The following RHOQ variants were observed in gnomAD, a reference collection of about 807,000 sequenced individuals.
RHOQ encodes ras homolog family member Q.
Under a neutral mutation model 25.8 loss-of-function variants are expected in RHOQ, and 7 were observed. The observed-to-expected ratio is 0.27, with a 90% confidence interval of 0.15 to 0.51. RHOQ has a LOEUF of 0.51. Ranked by LOEUF, RHOQ falls within the 20% of genes least tolerant of loss-of-function variation. RHOQ has a pLI of 0.97. For missense variants in RHOQ, 165 were observed against 260.6 expected (o/e 0.63, Z 2.53); for synonymous variants, 97 against 98.6 (o/e 0.98, Z 0.10).
chr2:46,558,153 C>A (rs1159993454), intron 2 of RHOQ, among the ~76,000 whole-genome samples: 2 of 152,196 alleles, frequency 1.3e-5, no homozygotes, highest in Non-Finnish European at 2.9e-5. Context: ...CCTCCTGCAC[C>A]TTCTAACCTG....
At chr2:46,559,297 G>C (rs1668497781) in intron 2 of RHOQ, among the ~76,000 whole-genome samples, 1 of 152,114 alleles carries the variant, frequency 6.6e-6, no homozygotes, top group Non-Finnish European at 1.5e-5. Context: ...TACCTGTCTA[G>C]TTTGTTTTTT....
At position 46,583,049 on chromosome 2, in the gene RHOQ, CAT is replaced by C. The variant is rs758590274; in HGVS notation, c.*1969_*1970del. 2 of 152,082 alleles carry C rather than the reference CAT, an allele frequency of 1.3e-5. No homozygotes were observed. The highest frequency in any genetic ancestry group is 2.9e-5 in the Non-Finnish European group (2 of 67,990). 9.4% of individuals were successfully genotyped at this position (152,082 alleles called of 1,614,324 possible). On this transcript the variant is annotated 3_prime_UTR_variant, in exon 5 of 5. Coordinates refer to ENST00000238738, the MANE Select transcript of RHOQ (RefSeq NM_012249.4). The stretch of plus-strand genomic sequence containing the variant: ...GAAAGGAATTGTATAAATCAATTAA[CAT>C]ATTAGCTGAGTTGTCCAACACATGG...
chr2:46,547,773 C>T (rs1424487963), intron 2 of RHOQ, among the ~76,000 whole-genome samples: 1 of 152,216 alleles, frequency 6.6e-6, no homozygotes, highest in African/African-American at 2.4e-5. Flanking sequence ...CCATTGTCTG[C>T]TCAAGGAGGG....
chr2:46,568,842 C>T (rs1668818490), intron 2 of RHOQ: 1 of 152,218 alleles, frequency 6.6e-6, no homozygotes, highest in African/African-American at 2.4e-5. Context: ...CGTCTATACA[C>T]AGCACTCAGC....
chr2:46,564,260 G>A (rs113380226), intron 2 of RHOQ, among the ~76,000 whole-genome samples: 2,499 of 152,222 alleles, frequency 0.016, 28 homozygotes, highest in Non-Finnish European at 0.023. Context: ...AGCCACGATC[G>A]CACCACTGCA....
intron 2 of RHOQ, among the ~76,000 whole-genome samples, chr2:46,575,292 A>G (rs1466504472): frequency 2.6e-5 from 4 of 152,142 alleles, no homozygotes; most frequent in African/African-American, 9.7e-5. Flanking sequence ...TCATGCATAG[A>G]AAAAGAACTG....
chr2:46,562,416 T>C (rs572443918), intron 2 of RHOQ, among the ~76,000 whole-genome samples: 1 of 152,360 alleles, frequency 6.6e-6, no homozygotes, highest in Admixed American at 6.5e-5. Context: ...TATAAAGTTC[T>C]ATTGTTACTA....
intron 2 of RHOQ, among the ~76,000 whole-genome samples, chr2:46,547,660 C>G (rs752717893): frequency 6.6e-6 from 1 of 152,180 alleles, no homozygotes; most frequent in Non-Finnish European, 1.5e-5. Context: ...AGGGGCCTTG[C>G]GTGTGTTTTG....
intron 2 of RHOQ, among the ~76,000 whole-genome samples, chr2:46,544,159 C>A (rs1017232233): frequency 6.6e-6 from 1 of 152,150 alleles, no homozygotes; most frequent in Non-Finnish European, 1.5e-5. Context: ...AGGTCTCCCC[C>A]CCACAGCCTC....
At position 46,576,891 on chromosome 2, in the gene RHOQ, C is replaced by T; in HGVS notation, c.462+235C>T. On this transcript the variant is annotated intron_variant, in intron 4 of 4. Transcript: ENST00000238738. The surrounding 1 kb of genome is among the most constrained non-coding windows in gnomAD (Gnocchi z 5.1). Reference sequence around the variant, plus strand: ...CCAAGATCCTGCAGGTAATAAATGGCAGAGTTGGGTTTCAGTCCAAAGCCT... The same window carrying T: ...CCAAGATCCTGCAGGTAATAAATGGTAGAGTTGGGTTTCAGTCCAAAGCCT... The T allele has an allele frequency of 2.8e-6, 1 of 352,006 alleles. No individual in the cohort carries two copies. The highest frequency in any genetic ancestry group is 5.1e-6 in the Non-Finnish European group (1 of 194,976). 21.8% of individuals were successfully genotyped at this position (352,006 alleles called of 1,614,324 possible).
chr2:46,557,683 C>A (rs1449726757), intron 2 of RHOQ, among the ~76,000 whole-genome samples: 9 of 152,084 alleles, frequency 5.9e-5, no homozygotes, highest in Non-Finnish European at 1.3e-4. Context: ...AAAGAGTCAG[C>A]AGTTCTGGAA....
chr2:46,554,600 G>A (rs934072378), intron 2 of RHOQ, among the ~76,000 whole-genome samples: 2 of 152,056 alleles, frequency 1.3e-5, no homozygotes, highest in East Asian at 3.8e-4. Context: ...GGGCAATGAC[G>A]TCCTTTCTGT....
chr2:46,543,739 C>CT lies in RHOQ; in HGVS notation c.143-13dup, dbSNP rs1291564222. 2 of 1,612,536 alleles carry CT rather than the reference C, an allele frequency of 1.2e-6. No individual in the cohort carries two copies. Among genetic ancestry groups the CT allele is most frequent in the Admixed American group, 1.7e-5 (1 of 59,888 alleles). On this transcript the variant is annotated splice_polypyrimidine_tract_variant and intron_variant, in intron 1 of 4. Coordinates refer to ENST00000238738, the MANE Select transcript of RHOQ (RefSeq NM_012249.4). ...CTGTGAGCTTCTCTCCCCGCCCCCA[C>CT]TTCTGTCCTTGCAGTCAGCGTCACC...
chr2:46,546,488 A>G lies in RHOQ; in HGVS notation c.201+2676A>G, dbSNP rs1379610894. ...TATATATATATGTGTATATATATAT[A>G]TATATATATATATATATATATATGT... On this transcript the variant is annotated intron_variant, in intron 2 of 4. Transcript: ENST00000238738. Among the ~76,000 whole-genome samples the G allele has an allele frequency of 6.8e-4, 15 of 22,140 alleles. 1 individual carries two copies. Among genetic ancestry groups the G allele is most frequent in the Admixed American group, 5.5e-3 (9 of 1,630 alleles). The allele number at this position is 22,140 out of a possible 152,430, so 14.5% of individuals were successfully genotyped here.
intron 4 of RHOQ, among the ~76,000 whole-genome samples, chr2:46,579,759 C>A (rs763509046): frequency 1.3e-5 from 2 of 151,778 alleles, no homozygotes; most frequent in African/African-American, 4.8e-5. Flanking sequence ...GAGGCAGAAC[C>A]GCTTGAACCC....
chr2:46,545,179 C>A (rs1211634129), intron 2 of RHOQ, among the ~76,000 whole-genome samples: 1 of 152,190 alleles, frequency 6.6e-6, no homozygotes, highest in Admixed American at 6.5e-5. Context: ...GGTTGCCTGC[C>A]CTGTAGTCGT....
At position 46,576,100 on chromosome 2, in the gene RHOQ, G is replaced by T; in HGVS notation, c.215G>T (p.Arg72Leu). 2 of 1,604,886 alleles carry T rather than the reference G, an allele frequency of 1.2e-6. No individual in the cohort carries two copies. Among genetic ancestry groups the T allele is most frequent in the Non-Finnish European group, 8.5e-7 (1 of 1,176,978 alleles). Residue 72 changes from arginine to leucine, a missense_variant, in exon 3 of 5, where the codon CGT becomes CTT. Physicochemically the swap from Arg to Leu is moderately radical, Grantham distance 102. Transcript: ENST00000238738. The surrounding 1 kb of genome is among the most constrained non-coding windows in gnomAD (Gnocchi z 5.1). ...TTTGTTCCTCAGGAAGACTATGACC[G>T]TCTGAGGCCTTTATCTTACCCAATG... ...YDTAGQEDYDRLRPLSYPMTD... is the reference protein window; with the variant it reads ...YDTAGQEDYDLLRPLSYPMTD...
At chr2:46,547,628 C>T (rs1287962549) in intron 2 of RHOQ, among the ~76,000 whole-genome samples, 1 of 152,208 alleles carries the variant, frequency 6.6e-6, no homozygotes, top group Non-Finnish European at 1.5e-5. Flanking sequence ...TGGAAGTTGA[C>T]CGAGGCATCT....
At chr2:46,554,490 C>A (rs754143275) in intron 2 of RHOQ, among the ~76,000 whole-genome samples, 1 of 152,202 alleles carries the variant, frequency 6.6e-6, no homozygotes, top group South Asian at 2.1e-4. Context: ...GGGCTCTGTT[C>A]ATTGTGGCTG....
Sources: gnomAD v4.1 joint callset for allele counts (sites outside exome capture counted in the v4.1 genomes callset) on GRCh38, gnomAD v4.1.1 for gene constraint, Gnocchi (gnomAD v3.1) non-coding constraint, MANE v1.5 for transcripts, NCBI Gene and HGNC (gene_info 2026-07-23, HGNC 2026-07-21) for gene names.